Variants in TNNI3K observed in about 807,000 individuals in gnomAD.
The protein encoded by TNNI3K is TNNI3 interacting kinase, also known as serine/threonine-protein kinase TNNI3K.
Under a neutral mutation model 114.5 loss-of-function variants are expected in TNNI3K, and 140 were observed. The ratio of observed to expected loss-of-function variants is 1.22; its 90% CI spans 1.07 to 1.41. The LOEUF is 1.41. Among genes scored for constraint, TNNI3K ranks in the 40% most tolerant of loss-of-function variants. TNNI3K has a pLI of 0.00. For missense variants in TNNI3K, 1,125 were observed against 1,007.6 expected (o/e 1.12, Z -1.58); for synonymous variants, 347 against 347.5 (o/e 1.00, Z 0.02).
At chr1:74,499,282 C>T (rs1213208378) in intron 23 of TNNI3K, among the ~76,000 whole-genome samples, 1 of 152,176 alleles carries the variant, frequency 6.6e-6, no homozygotes, top group Non-Finnish European at 1.5e-5. Context: ...GCTGGGACTA[C>T]AGGCATGCGC....
chr1:74,510,258 G>C (rs1197093124), intron 23 of TNNI3K, among the ~76,000 whole-genome samples: 1 of 152,142 alleles, frequency 6.6e-6, no homozygotes, highest in African/African-American at 2.4e-5. Context: ...TGTAATCCCA[G>C]CACTTTCGGA....
chr1:74,507,544 G>A (rs1349760104), intron 23 of TNNI3K, among the ~76,000 whole-genome samples: 1 of 152,098 alleles, frequency 6.6e-6, no homozygotes, highest in African/African-American at 2.4e-5. Flanking sequence ...ATAGTGTGAT[G>A]GATATATGTG....
At chr1:74,502,066 C>A (rs1022290027) in intron 23 of TNNI3K, among the ~76,000 whole-genome samples, 1 of 151,984 alleles carries the variant, frequency 6.6e-6, no homozygotes. Context: ...TTGCTTGGAC[C>A]CATGATGTAT....
At chr1:74,494,414 T>C (rs886558709) in intron 23 of TNNI3K, among the ~76,000 whole-genome samples, 1 of 152,164 alleles carries the variant, frequency 6.6e-6, no homozygotes, top group Non-Finnish European at 1.5e-5. Context: ...GTCATGAAAT[T>C]AAGTATTAGT....
intron 17 of TNNI3K, among the ~76,000 whole-genome samples, chr1:74,406,915 G>GATGTGC (rs1327158725): frequency 1.3e-5 from 2 of 152,174 alleles, no homozygotes; most frequent in African/African-American, 4.8e-5. Context: ...ATGATTTAAA[G>GATGTGC]ATGTGCTCTT....
At chr1:74,485,687 T>G (rs992967776) in intron 21 of TNNI3K, among the ~76,000 whole-genome samples, 1 of 152,160 alleles carries the variant, frequency 6.6e-6, no homozygotes, top group African/African-American at 2.4e-5. Flanking sequence ...AAAAGCAGAA[T>G]AAGTTTTACA....
At chr1:74,439,759 T>A (rs998383573) in intron 20 of TNNI3K, 137 bp downstream of exon 20, 56 of 1,353,786 alleles carry the variant, frequency 4.1e-5, no homozygotes, top group Non-Finnish European at 5.2e-5. Flanking sequence ...AATCTTAAAT[T>A]GTTTTAAGGT....
chr1:74,302,580 G>A (rs1032283078), intron 5 of TNNI3K, among the ~76,000 whole-genome samples: 2 of 152,170 alleles, frequency 1.3e-5, no homozygotes, highest in Admixed American at 1.3e-4. Context: ...TGATAAGAAA[G>A]CCAAACAGCC....
At chr1:74,484,903 A>T (rs1488721084) in intron 21 of TNNI3K, among the ~76,000 whole-genome samples, 2 of 152,232 alleles carry the variant, frequency 1.3e-5, no homozygotes, top group African/African-American at 4.8e-5. Context: ...AGCAAAGAAC[A>T]TAAGTAGCAA....
chr1:74,382,854 C>T (rs528229792), intron 17 of TNNI3K, among the ~76,000 whole-genome samples: 1 of 152,240 alleles, frequency 6.6e-6, no homozygotes, highest in South Asian at 2.1e-4. Flanking sequence ...AATCCCCCTT[C>T]TAAATTCTTA....
chr1:74,489,009 A>T (rs1003569252), intron 21 of TNNI3K, among the ~76,000 whole-genome samples, 180 bp from the exon 22 acceptor site: 1 of 152,212 alleles, frequency 6.6e-6, no homozygotes, highest in African/African-American at 2.4e-5. Context: ...GAGACTCAAC[A>T]TCTCTCCATG....
intron 4 of TNNI3K, among the ~76,000 whole-genome samples, chr1:74,260,152 T>C (rs567841600): frequency 3.3e-5 from 5 of 152,360 alleles, no homozygotes; most frequent in Admixed American, 2.6e-4. Context: ...GCACTCTCTT[T>C]TGGGTTTCAG....
At chr1:74,467,612 A>G (rs1034231585) in intron 21 of TNNI3K, among the ~76,000 whole-genome samples, 4 of 152,050 alleles carry the variant, frequency 2.6e-5, no homozygotes, top group Non-Finnish European at 5.9e-5. Flanking sequence ...GATAAAAGTA[A>G]TTTTTTAGGA....
chr1:74,361,606 CT>C (rs1049190248), intron 11 of TNNI3K, among the ~76,000 whole-genome samples: 1 of 151,976 alleles, frequency 6.6e-6, no homozygotes, highest in Non-Finnish European at 1.5e-5. Context: ...GCATTTTTAA[CT>C]TGAAGACACA....
At chr1:74,480,922 G>C (rs1436053314) in intron 21 of TNNI3K, 1 of 717,218 alleles carries the variant, frequency 1.4e-6, no homozygotes, top group East Asian at 2.7e-5. Flanking sequence ...CAATAGAGGA[G>C]AGATATCCAT....
At chr1:74,401,040 C>T (rs137862496) in intron 17 of TNNI3K, among the ~76,000 whole-genome samples, 3 of 152,280 alleles carry the variant, frequency 2.0e-5, no homozygotes, top group Non-Finnish European at 4.4e-5. Context: ...TCAATATTCA[C>T]TTTCTTACTT....
intron 23 of TNNI3K, among the ~76,000 whole-genome samples, chr1:74,530,062 T>C (rs1443972927): frequency 6.6e-6 from 1 of 152,160 alleles, no homozygotes; most frequent in Non-Finnish European, 1.5e-5. Context: ...CCTCCTGGCC[T>C]CAAGAGATCC....
intron 10 of TNNI3K, 105 bp downstream of exon 10, chr1:74,353,465 G>C: frequency 8.3e-7 from 1 of 1,202,804 alleles, no homozygotes; most frequent in Non-Finnish European, 1.2e-6. Flanking sequence ...AACTCCAGTG[G>C]GAAAGGGTAT....
intron 21 of TNNI3K, among the ~76,000 whole-genome samples, chr1:74,467,501 A>C (rs1442517216): frequency 5.9e-5 from 9 of 151,826 alleles, no homozygotes; most frequent in Admixed American, 5.9e-4. Flanking sequence ...AAGAGGTAGA[A>C]AAAAGCCTGA....
Sources: allele counts gnomAD v4.1 joint callset (sites outside exome capture counted in the v4.1 genomes callset), GRCh38; gene constraint gnomAD v4.1.1; transcripts MANE v1.5; gene names NCBI Gene and HGNC (gene_info 2026-07-23, HGNC 2026-07-21).